Variants in GRM8 observed in about 807,000 individuals in gnomAD.
The protein encoded by GRM8 is glutamate metabotropic receptor 8.
Under a neutral mutation model 87.2 loss-of-function variants are expected in GRM8, and 47 were observed. The observed-to-expected ratio is 0.54, with a 90% confidence interval of 0.43 to 0.69. The LOEUF (loss-of-function observed/expected upper bound fraction) is 0.69, where lower values mean the gene tolerates loss of function less well. Among genes scored for constraint, GRM8 ranks in the 30% least tolerant of loss-of-function variants. GRM8 has a pLI of 0.00. For synonymous variants in GRM8, 396 were observed against 404.5 expected (o/e 0.98, Z 0.25); for missense variants, 1,019 against 1,139.2 (o/e 0.89, Z 1.52).
chr7:126,496,355 A>G (rs2150669068), intron 9 of GRM8, among the ~76,000 whole-genome samples: 1 of 152,104 alleles, frequency 6.6e-6, no homozygotes, highest in East Asian at 2.0e-4. Context: ...TGAGGTCTAC[A>G]TACCTTAAGT....
chr7:127,105,361 C>A (rs1345100242), intron 3 of GRM8: 1 of 152,170 alleles, frequency 6.6e-6, no homozygotes, highest in Non-Finnish European at 1.5e-5. Flanking sequence ...CCAGGCCTTT[C>A]ATACATTTTC....
chr7:126,777,016 C>A lies in GRM8; in HGVS notation c.1157-6951G>T, dbSNP rs147292246. ...TCCTGTAACTGGGCTACTGCTGAGA[C>A]CTGGAAATTCTGCACTAACAAAAAT... On this transcript the variant is annotated intron_variant, in intron 6 of 10. Coordinates refer to ENST00000339582, the MANE Select transcript of GRM8 (RefSeq NM_000845.3). Among the ~76,000 whole-genome samples, 961 of 152,220 alleles carry A rather than the reference C, an allele frequency of 6.3e-3. 12 individuals are homozygous for A. The highest frequency in any genetic ancestry group is 0.022 in the African/African-American group (917 of 41,538).
At chr7:126,666,965 T>C (rs1805838309) in intron 7 of GRM8, among the ~76,000 whole-genome samples, 1 of 152,184 alleles carries the variant, frequency 6.6e-6, no homozygotes, top group Non-Finnish European at 1.5e-5. Context: ...TATCTCTGTA[T>C]TGCCTTTAAG....
chr7:127,037,412 C>A (rs17865063), intron 3 of GRM8, among the ~76,000 whole-genome samples: 10 of 152,136 alleles, frequency 6.6e-5, no homozygotes, highest in South Asian at 2.1e-4. Context: ...GAGCCCAGGT[C>A]TCTCACCTGT....
chr7:126,551,535 C>A (rs887678709), intron 8 of GRM8, among the ~76,000 whole-genome samples: 1 of 152,168 alleles, frequency 6.6e-6, no homozygotes, highest in African/African-American at 2.4e-5. Flanking sequence ...CAATGTCCTG[C>A]TGACCAAGCG....
At chr7:127,155,706 A>G (rs919364992) in intron 2 of GRM8, among the ~76,000 whole-genome samples, 1 of 152,222 alleles carries the variant, frequency 6.6e-6, no homozygotes, top group African/African-American at 2.4e-5. Context: ...CCATGTGAAG[A>G]CCTTAAAATT....
intron 3 of GRM8, among the ~76,000 whole-genome samples, chr7:127,048,977 T>C (rs3808125): frequency 0.01 from 1,588 of 152,302 alleles, 20 homozygotes; most frequent in East Asian, 0.072. Context: ...AATAAACCTA[T>C]AGACTTGGGA....
Position 126,950,254 on chromosome 7 carries a change from G to A in GRM8, c.728-45571C>T, listed in dbSNP as rs142254498. On this transcript the variant is annotated intron_variant, in intron 3 of 10. Coordinates refer to ENST00000339582, the MANE Select transcript of GRM8 (RefSeq NM_000845.3). ...TTAGGTTGAAATAGCCAAATGATCT[G>A]ATAGAGCTTTCTGGTAAGAAGAATA... 6.2e-3 allele frequency among the ~76,000 whole-genome samples: 943 copies of A among 152,260 alleles called. 11 individuals carry two copies. The highest frequency in any genetic ancestry group is 0.021 in the African/African-American group (887 of 41,552).
At chr7:126,779,658 G>T (rs13240076) in intron 6 of GRM8, among the ~76,000 whole-genome samples, 54,348 of 151,878 alleles carry the variant, frequency 0.36, 11,360 homozygotes, top group Non-Finnish European at 0.47. Flanking sequence ...TATGTCACTT[G>T]CACATTTATT....
chr7:126,816,444 C>T (rs1793793469), intron 6 of GRM8, among the ~76,000 whole-genome samples: 1 of 152,042 alleles, frequency 6.6e-6, no homozygotes, highest in Admixed American at 6.6e-5. Context: ...ACCCAGAATA[C>T]TAAACTCTAG....
intron 3 of GRM8, among the ~76,000 whole-genome samples, chr7:126,928,630 C>A (rs965028292): frequency 6.0e-5 from 9 of 150,278 alleles, no homozygotes; most frequent in Non-Finnish European, 1.2e-4. Flanking sequence ...CAAGGTCATG[C>A]CAGTGTACTC....
intron 2 of GRM8, among the ~76,000 whole-genome samples, chr7:127,125,625 TTA>T (rs1827318955): frequency 1.3e-5 from 2 of 151,858 alleles, no homozygotes; most frequent in Non-Finnish European, 2.9e-5. Flanking sequence ...AAATGAGTAC[TTA>T]ATTAAACTAA....
chr7:126,440,238 C>A (rs574420054), intron 10 of GRM8, among the ~76,000 whole-genome samples: 47 of 151,604 alleles, frequency 3.1e-4, no homozygotes, highest in African/African-American at 1.1e-3. Flanking sequence ...ATGGTGAAAT[C>A]CTGTGTCTAC....
intron 9 of GRM8, among the ~76,000 whole-genome samples, chr7:126,494,152 A>G (rs1354923553): frequency 4.6e-5 from 7 of 152,024 alleles, no homozygotes; most frequent in African/African-American, 1.7e-4. Flanking sequence ...ATTCATTTAT[A>G]CCTCCATATT....
At chr7:127,103,918 T>C (rs1825567002) in intron 3 of GRM8, among the ~76,000 whole-genome samples, 1 of 152,186 alleles carries the variant, frequency 6.6e-6, no homozygotes, top group Non-Finnish European at 1.5e-5. Context: ...GTCTGATCAA[T>C]GACCACCATA....
intron 2 of GRM8, among the ~76,000 whole-genome samples, chr7:127,184,613 C>T (rs987623657): frequency 2.6e-5 from 4 of 151,894 alleles, no homozygotes; most frequent in African/African-American, 7.2e-5. Context: ...TCCTAGTTAA[C>T]ATCATACTGG....
intron 8 of GRM8, among the ~76,000 whole-genome samples, chr7:126,593,184 A>G (rs759682481): frequency 6.6e-6 from 1 of 151,998 alleles, no homozygotes; most frequent in Non-Finnish European, 1.5e-5. Context: ...TCCATACTAC[A>G]CCAAGCAATC....
intron 6 of GRM8, among the ~76,000 whole-genome samples, chr7:126,857,791 T>C (rs555544852): frequency 3.3e-5 from 5 of 152,264 alleles, no homozygotes; most frequent in African/African-American, 4.8e-5. Context: ...ACTTGATACA[T>C]TGAAAATAGA....
intron 8 of GRM8, among the ~76,000 whole-genome samples, chr7:126,542,640 T>C (rs1353688885): frequency 6.6e-6 from 1 of 152,222 alleles, no homozygotes; most frequent in Non-Finnish European, 1.5e-5. Context: ...ATGGTGTGTA[T>C]CAATACAAGA....
Sources: gnomAD v4.1 joint callset for allele counts (sites outside exome capture counted in the v4.1 genomes callset) on GRCh38, gnomAD v4.1.1 for gene constraint, MANE v1.5 for transcripts, NCBI Gene and HGNC (gene_info 2026-07-23, HGNC 2026-07-21) for gene names.